The following RASGEF1B variants were observed in gnomAD, a reference collection of about 807,000 sequenced individuals.
RASGEF1B encodes ras-GEF domain-containing family member 1B.
RASGEF1B carries 30 observed loss-of-function variants against 65.7 expected under a neutral mutation model. That is an observed-to-expected ratio of 0.46 (90% confidence interval 0.34 to 0.62). The LOEUF is 0.62. Among genes scored for constraint, RASGEF1B ranks in the 20% least tolerant of loss-of-function variants. The pLI is 0.01. For missense variants in RASGEF1B, 495 were observed against 580.1 expected (o/e 0.85, Z 1.51); for synonymous variants, 175 against 194.8 (o/e 0.90, Z 0.85).
chr4:81,451,286 T>C (rs1722248446), intron 4 of RASGEF1B: 1 of 152,202 alleles, frequency 6.6e-6, no homozygotes, highest in African/African-American at 2.4e-5. Context: ...AAATTTAACT[T>C]GTTTGTGTCC....
chr4:81,449,172 T>C (rs1442148730), intron 4 of RASGEF1B, among the ~76,000 whole-genome samples: 1 of 152,180 alleles, frequency 6.6e-6, no homozygotes, highest in East Asian at 1.9e-4. Context: ...TGGATATTCA[T>C]TTCTGGCATC....
In RASGEF1B at chr4:81,445,788, T is replaced by C. The variant is rs1342292192; in HGVS notation, c.780A>G (p.Glu260=). The C allele has an allele frequency of 3.1e-6, 5 of 1,614,112 alleles. No individual in the cohort carries two copies. Among genetic ancestry groups the C allele is most frequent in the Non-Finnish European group, 4.2e-6 (5 of 1,179,996 alleles). The change falls in exon 7 of 14, where the codon GAA becomes GAG. Residue 260 remains glutamate (E), a synonymous_variant. Coordinates refer to ENST00000264400, the MANE Select transcript of RASGEF1B (RefSeq NM_152545.3). Reference sequence around the variant, plus strand: ...CCAAGTAGCTGAGGCGATTAAACCATTCCACGTAAGCTTCTAAGTTTCGTG... The same window carrying C: ...CCAAGTAGCTGAGGCGATTAAACCACTCCACGTAAGCTTCTAAGTTTCGTG... ...KKTRNLEAYV[E]WFNRLSYLVA...
intron 13 of RASGEF1B, among the ~76,000 whole-genome samples, chr4:81,430,668 T>C (rs918309153): frequency 6.6e-6 from 1 of 152,206 alleles, no homozygotes; most frequent in Non-Finnish European, 1.5e-5. Flanking sequence ...AAGGGAACTT[T>C]TCCCATTTCA....
intron 1 of RASGEF1B, among the ~76,000 whole-genome samples, chr4:81,469,623 A>G (rs1457400590): frequency 6.7e-6 from 1 of 149,702 alleles, no homozygotes; most frequent in African/African-American, 2.5e-5. Flanking sequence ...ATATAAATAC[A>G]TATGTATATA....
chr4:81,466,770 A>AAAAAGAAAG (rs748492254), intron 1 of RASGEF1B, among the ~76,000 whole-genome samples: 26 of 36,092 alleles, frequency 7.2e-4, no homozygotes, highest in African/African-American at 2.1e-3. Context: ...AAAAAAAAAA[A>AAAAAGAAAG]AAAGAAAGAA....
chr4:81,433,870 G>A lies in RASGEF1B; in HGVS notation c.1294C>T (p.Leu432=). 6.2e-7 allele frequency: 1 copy of A among 1,614,012 alleles called. No individual in the cohort carries two copies. Among genetic ancestry groups the A allele is most frequent in the Non-Finnish European group, 8.5e-7 (1 of 1,179,936 alleles). ...TCACTGAAGACTGGTACTGTGAGCA[G>A]ATACTGCAAGATCTTCCGGTCCCTC... is the stretch of plus-strand genomic sequence containing the variant. ...FERDRKILQY[L]LTVPVFSEDA... is the part of the protein sequence containing the mutation. Residue 432 remains leucine, a synonymous_variant, in exon 12 of 14, where the codon CTG becomes TTG. Coordinates refer to ENST00000264400, the MANE Select transcript of RASGEF1B (RefSeq NM_152545.3).
intron 2 of RASGEF1B, among the ~76,000 whole-genome samples, chr4:81,458,049 CA>C (rs1722509768): frequency 6.6e-6 from 1 of 152,058 alleles, no homozygotes; most frequent in Non-Finnish European, 1.5e-5. Flanking sequence ...AAAATAACAA[CA>C]AAAAAACCTA....
chr4:81,435,934 A>G (rs1468907940), intron 10 of RASGEF1B, among the ~76,000 whole-genome samples: 1 of 151,322 alleles, frequency 6.6e-6, no homozygotes, highest in African/African-American at 2.4e-5. Context: ...ACGTGCCACC[A>G]CACCCAGTTA....
At chr4:81,448,314 A>G (rs767656096) in intron 4 of RASGEF1B, 30 bp from the exon 5 acceptor site, 1 of 1,580,518 alleles carries the variant, frequency 6.3e-7, no homozygotes, top group East Asian at 2.2e-5. Context: ...TTACATCCGT[A>G]CTCTGCGTGT....
At chr4:81,427,829 T>C (rs1362972198) in intron 13 of RASGEF1B, 37 bp from the exon 14 acceptor site, 1 of 1,601,290 alleles carries the variant, frequency 6.2e-7, no homozygotes. Flanking sequence ...AGACAGAATG[T>C]AACAGACTAC....
At chr4:81,444,875 T>C (rs1170814710) in intron 8 of RASGEF1B, among the ~76,000 whole-genome samples, 1 of 152,218 alleles carries the variant, frequency 6.6e-6, no homozygotes, top group Non-Finnish European at 1.5e-5. Flanking sequence ...TACAAATTTA[T>C]AAGATGGCCA....
chr4:81,453,369 A>C (rs1722332277), intron 4 of RASGEF1B: 1 of 152,196 alleles, frequency 6.6e-6, no homozygotes, highest in South Asian at 2.1e-4. Flanking sequence ...ATTTTCATAC[A>C]ACATCCGCAC....
At chr4:81,433,442 A>G (rs1350792149) in intron 12 of RASGEF1B, among the ~76,000 whole-genome samples, 1 of 152,074 alleles carries the variant, frequency 6.6e-6, no homozygotes, top group Non-Finnish European at 1.5e-5. Flanking sequence ...AAAATGTTCC[A>G]GTACTTTTTT....
intron 8 of RASGEF1B, among the ~76,000 whole-genome samples, chr4:81,444,073 T>C (rs905353964): frequency 6.6e-6 from 1 of 152,260 alleles, no homozygotes; most frequent in South Asian, 2.1e-4. Context: ...GCCATTAATA[T>C]ACAGTATCCT....
chr4:81,459,662 C>T, intron 1 of RASGEF1B, 148 bp from the exon 2 acceptor site: 1 of 617,986 alleles, frequency 1.6e-6, no homozygotes, highest in Admixed American at 3.5e-5. Flanking sequence ...AATCAGAGCC[C>T]ATCAGGAACC....
intron 8 of RASGEF1B, among the ~76,000 whole-genome samples, chr4:81,443,088 A>ATGGAG (rs1171886933): frequency 5.9e-5 from 9 of 152,240 alleles, no homozygotes; most frequent in Non-Finnish European, 1.3e-4. Context: ...TGGAGCTAAC[A>ATGGAG]CCATAACCCA....
At chr4:81,440,314 AC>A (rs1721792235) in intron 10 of RASGEF1B, among the ~76,000 whole-genome samples, 2 of 152,154 alleles carry the variant, frequency 1.3e-5, no homozygotes, top group African/African-American at 4.8e-5. Flanking sequence ...GTGAGAAAGG[AC>A]CATTAATTTC....
Position 81,445,564 on chromosome 4 carries a change from A to G in RASGEF1B, c.890T>C (p.Phe297Ser). The G allele has an allele frequency of 1.2e-6, 2 of 1,614,014 alleles. No homozygotes were observed. Among genetic ancestry groups the G allele is most frequent in the Non-Finnish European group, 1.7e-6 (2 of 1,179,880 alleles). Residue 297 changes from phenylalanine (F) to serine (S), a missense_variant, in exon 8 of 14, where the codon TTT becomes TCT. Transcript: ENST00000264400. ...EYFIDVAREC[F>S]NIGNFNSLMA... ...CAAGGAGTTGAAGTTGCCAATGTTA[A>G]AACACTCCCGAGCTACGTCAATGAA...
intron 10 of RASGEF1B, among the ~76,000 whole-genome samples, chr4:81,437,191 C>G (rs990433019): frequency 1.3e-5 from 2 of 152,138 alleles, no homozygotes; most frequent in African/African-American, 2.4e-5. Flanking sequence ...CCTCAGGCCT[C>G]TTTTTTATTG....
Sources: gnomAD v4.1 joint callset for allele counts (sites outside exome capture counted in the v4.1 genomes callset) on GRCh38, gnomAD v4.1.1 for gene constraint, MANE v1.5 for transcripts, NCBI Gene and HGNC (gene_info 2026-07-23, HGNC 2026-07-21) for gene names.